Variants in MACROD2 observed in about 807,000 individuals in gnomAD.
MACROD2 encodes ADP-ribose glycohydrolase MACROD2.
MACROD2 carries 36 observed loss-of-function variants against 70.4 expected under a neutral mutation model. That is an observed-to-expected ratio of 0.51 (90% confidence interval 0.39 to 0.68). The LOEUF is 0.68. MACROD2 is among the 30% of genes least tolerant of loss of function. The pLI is 0.00. For missense variants in MACROD2, 496 were observed against 538.4 expected (o/e 0.92, Z 0.78); for synonymous variants, 172 against 178.8 (o/e 0.96, Z 0.30).
At chr20:14,274,110 A>C in intron 3 of MACROD2, among the ~76,000 whole-genome samples, 1 of 152,214 alleles carries the variant, frequency 6.6e-6, no homozygotes, top group Non-Finnish European at 1.5e-5. Flanking sequence ...ATTCCAATCA[A>C]TAGAAGAAGA....
In MACROD2 at chr20:14,022,440, C is replaced by CTTT. The variant is rs144434682; in HGVS notation, c.163+20050_163+20052dup. 5.6e-4 allele frequency among the ~76,000 whole-genome samples: 75 copies of CTTT among 133,324 alleles called. 2 individuals carry two copies. The South Asian group carries it at 0.017, about 31-fold the overall frequency. The allele number at this position is 133,324 out of a possible 152,430, so 87.5% of individuals were successfully genotyped here. A position where few individuals can be genotyped will look rare whatever the true frequency, so the allele number is the denominator to read the frequency against. On this transcript the variant is annotated intron_variant, in intron 2 of 17. Transcript: ENST00000684519. Reference sequence around the variant, plus strand: ...ATGTCTTTGTACTCAGAGCCCAATTCTTTTTTTTTTTTTTTTAATTATACT... The same window carrying CTTT: ...ATGTCTTTGTACTCAGAGCCCAATTCTTTTTTTTTTTTTTTTTTTAATTATACT...
chr20:14,978,797 C>G (rs995292592), intron 5 of MACROD2, among the ~76,000 whole-genome samples: 1 of 148,692 alleles, frequency 6.7e-6, no homozygotes, highest in Admixed American at 6.8e-5. Context: ...TTCTCTCTCT[C>G]TAGTTGGATA....
At chr20:14,904,996 C>T (rs1264904402) in intron 5 of MACROD2, 4 of 152,214 alleles carry the variant, frequency 2.6e-5, no homozygotes, top group Non-Finnish European at 1.5e-5. Flanking sequence ...AAATACTGCT[C>T]GGCCCTTAAT....
intron 8 of MACROD2, among the ~76,000 whole-genome samples, chr20:15,634,039 A>C (rs1428022375): frequency 6.6e-6 from 1 of 152,168 alleles, no homozygotes; most frequent in Middle Eastern, 3.2e-3. Context: ...CTTAGTATCC[A>C]CTAGGTTTTT....
At chr20:14,672,454 A>G (rs1274679194) in intron 4 of MACROD2, among the ~76,000 whole-genome samples, 11 of 152,214 alleles carry the variant, frequency 7.2e-5, no homozygotes, top group Non-Finnish European at 1.6e-4. Flanking sequence ...AGATTAGCCT[A>G]GATTCAAGTG....
chr20:14,789,590 C>A (rs549176849), intron 5 of MACROD2, among the ~76,000 whole-genome samples: 1 of 148,680 alleles, frequency 6.7e-6, no homozygotes, highest in East Asian at 2.0e-4. Context: ...ATTCTCCTGC[C>A]TCAGCTTCCT....
chr20:15,316,435 T>C (rs1029883814), intron 6 of MACROD2, among the ~76,000 whole-genome samples: 5 of 152,042 alleles, frequency 3.3e-5, no homozygotes, highest in Non-Finnish European at 7.4e-5. Context: ...AGTCAAAAGC[T>C]ATTAAAAGAG....
intron 3 of MACROD2, among the ~76,000 whole-genome samples, chr20:14,311,934 GTGAATT>G: frequency 6.6e-6 from 1 of 152,132 alleles, no homozygotes; most frequent in East Asian, 1.9e-4. Context: ...ACACTGTTTT[GTGAATT>G]ATACTATAAA....
At chr20:15,373,744 T>C (rs1420189029) in intron 6 of MACROD2, among the ~76,000 whole-genome samples, 1 of 152,188 alleles carries the variant, frequency 6.6e-6, no homozygotes, top group Non-Finnish European at 1.5e-5. Context: ...TGGATTTTTA[T>C]TGAAATGTCA....
intron 6 of MACROD2, among the ~76,000 whole-genome samples, chr20:15,329,943 G>T (rs1233753927): frequency 6.6e-6 from 1 of 152,000 alleles, no homozygotes; most frequent in Non-Finnish European, 1.5e-5. Flanking sequence ...ACCCTTATTT[G>T]AGAGGTGCCT....
intron 3 of MACROD2, among the ~76,000 whole-genome samples, chr20:14,403,687 A>G (rs577572373): frequency 1.3e-5 from 2 of 152,176 alleles, no homozygotes; most frequent in Admixed American, 1.3e-4. Context: ...TCTGGAGCCA[A>G]ATACCTGGGT....
intron 3 of MACROD2, among the ~76,000 whole-genome samples, chr20:14,268,408 C>A (rs1410809146): frequency 6.6e-6 from 1 of 152,126 alleles, no homozygotes; most frequent in Non-Finnish European, 1.5e-5. Flanking sequence ...ACTGCCATAA[C>A]CTTTCTCCCT....
At position 14,546,703 on chromosome 20, in the gene MACROD2, T is replaced by C. The variant is rs550168647; in HGVS notation, c.301+53195T>C. Among the ~76,000 whole-genome samples the C allele has an allele frequency of 1.4e-4, 21 of 152,246 alleles. No homozygotes were observed. In the East Asian group the frequency reaches 4.1e-3, roughly 29 times the overall value. On this transcript the variant is annotated intron_variant, in intron 4 of 17. Coordinates refer to ENST00000684519, the MANE Select transcript of MACROD2 (RefSeq NM_001351661.2). The stretch of plus-strand genomic sequence containing the variant: ...TTCCTTTGATCTCAGCTAAACTCCT[T>C]CAGTTAGCCTACACTTCCATCTTTT...
intron 10 of MACROD2, among the ~76,000 whole-genome samples, chr20:15,919,154 A>G (rs1429344117): frequency 6.6e-6 from 1 of 152,220 alleles, no homozygotes; most frequent in Admixed American, 6.5e-5. Context: ...ACATTTGATA[A>G]GGGCAAACTT....
intron 8 of MACROD2, among the ~76,000 whole-genome samples, chr20:15,625,177 T>A (rs1219925739): frequency 1.3e-5 from 2 of 152,144 alleles, no homozygotes; most frequent in Admixed American, 1.3e-4. Context: ...AAGCCAAAAA[T>A]GGATAATGAA....
chr20:15,251,216 A>G (rs761932614), intron 6 of MACROD2, among the ~76,000 whole-genome samples: 2 of 152,166 alleles, frequency 1.3e-5, no homozygotes, highest in Non-Finnish European at 2.9e-5. Context: ...ACCACTTGCA[A>G]TATTTCACTT....
intron 1 of MACROD2, among the ~76,000 whole-genome samples, chr20:14,001,132 T>C (rs1303046782): frequency 6.6e-6 from 1 of 152,204 alleles, no homozygotes; most frequent in Admixed American, 6.5e-5. Context: ...CTTTGATTAA[T>C]GGAGATGTTT....
chr20:15,211,519 TC>T (rs1175719302), intron 5 of MACROD2, among the ~76,000 whole-genome samples: 1 of 152,124 alleles, frequency 6.6e-6, no homozygotes, highest in African/African-American at 2.4e-5. Flanking sequence ...CTTGGTGCCG[TC>T]CTCACAGTAA....
chr20:14,548,420 T>G (rs1249842665), intron 4 of MACROD2, among the ~76,000 whole-genome samples: 2 of 148,584 alleles, frequency 1.3e-5, no homozygotes, highest in Non-Finnish European at 3.0e-5. Context: ...AATCTAACAC[T>G]ATAAAATACA....
Sources: gnomAD v4.1 joint callset for allele counts (sites outside exome capture counted in the v4.1 genomes callset) on GRCh38, gnomAD v4.1.1 for gene constraint, MANE v1.5 for transcripts, NCBI Gene and HGNC (gene_info 2026-07-23, HGNC 2026-07-21) for gene names.